The following STARD13 variants were observed in gnomAD, a reference collection of about 807,000 sequenced individuals.
STARD13 encodes the protein StAR related lipid transfer domain containing 13, also known as stAR-related lipid transfer protein 13.
Under a neutral mutation model 106.4 loss-of-function variants are expected in STARD13, and 62 were observed. The observed-to-expected ratio is 0.58, with a 90% CI of 0.48 to 0.72. The LOEUF is 0.72. Among genes scored for constraint, STARD13 ranks in the 30% least tolerant of loss-of-function variants. STARD13 has a pLI of 0.00. For synonymous variants in STARD13, 565 were observed against 553.0 expected (o/e 1.02, Z -0.31); for missense variants, 1,387 against 1,424.0 (o/e 0.97, Z 0.42).
the STARD13 span, among the ~76,000 whole-genome samples, chr13:33,616,208 G>A: frequency 6.7e-6 from 1 of 150,234 alleles, no homozygotes; most frequent in South Asian, 2.2e-4. Context: ...GAGGGAAAAG[G>A]AGAGGAGAGG....
At chr13:33,286,670 G>A (rs1443450400), upstream of STARD13, among the ~76,000 whole-genome samples, 3 of 152,144 alleles carry the variant, frequency 2.0e-5, no homozygotes, top group Non-Finnish European at 4.4e-5. Context: ...GGTGATGATT[G>A]CAAGCCAGAT....
chr13:33,340,815 T>C (rs2077951575), intron 1 of STARD13, among the ~76,000 whole-genome samples: 1 of 152,222 alleles, frequency 6.6e-6, no homozygotes, highest in Non-Finnish European at 1.5e-5. Context: ...TCTTGTGCAA[T>C]TTCTGGAAGC....
intron 1 of STARD13, among the ~76,000 whole-genome samples, chr13:33,214,193 G>A (rs1229661947): frequency 6.6e-6 from 1 of 152,214 alleles, no homozygotes; most frequent in Non-Finnish European, 1.5e-5. Flanking sequence ...AAAGTGTAAT[G>A]AGCATCATCT....
At chr13:33,219,099 G>A (rs1669654966) in intron 1 of STARD13, among the ~76,000 whole-genome samples, 1 of 152,106 alleles carries the variant, frequency 6.6e-6, no homozygotes, top group African/African-American at 2.4e-5. Flanking sequence ...TACTATGTAA[G>A]ATGCTAAGGG....
chr13:33,466,638 T>A, the STARD13 span, among the ~76,000 whole-genome samples: 1 of 152,244 alleles, frequency 6.6e-6, no homozygotes, highest in Non-Finnish European at 1.5e-5. Flanking sequence ...TTTCATTGTA[T>A]CTTACTGAAC....
At chr13:33,660,302 C>A in the STARD13 span, among the ~76,000 whole-genome samples, 2 of 152,174 alleles carry the variant, frequency 1.3e-5, no homozygotes, top group South Asian at 2.1e-4. Flanking sequence ...TAGTTTTTCA[C>A]TATTTAAAAA....
the STARD13 span, among the ~76,000 whole-genome samples, chr13:33,481,839 C>T: frequency 1.6e-5 from 2 of 128,910 alleles, no homozygotes; most frequent in East Asian, 2.2e-4. Context: ...ATTAGCCGGG[C>T]GTGGTGGTGG....
intron 1 of STARD13, among the ~76,000 whole-genome samples, chr13:33,175,524 T>C (rs117641887): frequency 3.0e-4 from 45 of 152,342 alleles, no homozygotes; most frequent in Non-Finnish European, 5.0e-4. Flanking sequence ...CTAATTCAGT[T>C]TCTCCAGCTT....
intron 8 of STARD13, chr13:33,113,614 G>A (rs879327688): frequency 2.8e-5 from 14 of 502,880 alleles, no homozygotes; most frequent in African/African-American, 9.7e-5. Context: ...GAGACCCAGC[G>A]TCACCTGTTC....
chr13:33,614,976 C>T, the STARD13 span, among the ~76,000 whole-genome samples: 23 of 152,054 alleles, frequency 1.5e-4, no homozygotes, highest in African/African-American at 4.1e-4. Flanking sequence ...GTAGGGCTCA[C>T]CCAAGCTGCC....
intron 4 of STARD13, among the ~76,000 whole-genome samples, chr13:33,135,305 T>C (rs1316999238): frequency 6.6e-6 from 1 of 152,240 alleles, no homozygotes; most frequent in Non-Finnish European, 1.5e-5. Context: ...TGTCACCATT[T>C]GAAAAGTCTG....
the STARD13 span, among the ~76,000 whole-genome samples, chr13:33,365,096 C>G: frequency 3.3e-5 from 5 of 151,636 alleles, no homozygotes; most frequent in Non-Finnish European, 4.4e-5. Context: ...ACCTTCCACA[C>G]ATGTGAGATG....
the STARD13 span, among the ~76,000 whole-genome samples, chr13:33,635,300 A>G: frequency 6.6e-6 from 1 of 152,126 alleles, no homozygotes; most frequent in African/African-American, 2.4e-5. Context: ...TATATCCTTG[A>G]TTTAGTTTCC....
the STARD13 span, among the ~76,000 whole-genome samples, chr13:33,531,525 T>C: frequency 7.9e-5 from 12 of 152,186 alleles, no homozygotes; most frequent in Admixed American, 3.3e-4. Context: ...GTTTGTCTTG[T>C]ACATTTCCTT....
Position 33,111,818 on chromosome 13 carries a change from C to T in STARD13, c.2567G>A (p.Gly856Glu). The T allele has an allele frequency of 6.8e-6, 11 of 1,614,146 alleles. No individual in the cohort carries two copies. The highest frequency in any genetic ancestry group is 8.5e-6 in the Non-Finnish European group (10 of 1,180,018). The change falls in exon 10 of 14, where the codon GGG (glycine) becomes GAG (glutamate). Residue 856 changes from glycine (G) to glutamate (E), a missense_variant. By Grantham distance (98) the Gly-to-Glu change is moderately conservative. Coordinates refer to ENST00000336934, the MANE Select transcript of STARD13 (RefSeq NM_178006.4). ...DLNENLAAAQ[G>E]LAHMIMECDR... ...GCATTCCATGATCATGTGCGCTAGC[C>T]CCTGAGCTGCTGCCAGATTCTCGTT...
At chr13:33,340,997 A>G (rs1211650508) in intron 1 of STARD13, among the ~76,000 whole-genome samples, 1 of 152,246 alleles carries the variant, frequency 6.6e-6, no homozygotes, top group African/African-American at 2.4e-5. Context: ...TGGACTAACT[A>G]CAAACGTGAC....
intron 3 of STARD13, among the ~76,000 whole-genome samples, chr13:33,160,901 G>A (rs968372288): frequency 5.9e-5 from 9 of 152,122 alleles, no homozygotes; most frequent in Non-Finnish European, 1.2e-4. Flanking sequence ...TAGAGCCCAC[G>A]ATCCCATTCC....
chr13:33,546,676 C>T, the STARD13 span, among the ~76,000 whole-genome samples: 1 of 151,370 alleles, frequency 6.6e-6, no homozygotes, highest in Non-Finnish European at 1.5e-5. Flanking sequence ...GACAGTCTCA[C>T]TCTGTCGCCC....
chr13:33,630,776 G>A, the STARD13 span, among the ~76,000 whole-genome samples: 1 of 152,136 alleles, frequency 6.6e-6, no homozygotes, highest in Non-Finnish European at 1.5e-5. Context: ...TTGGTACTGA[G>A]AGCCCATGAG....
Sources: allele counts gnomAD v4.1 joint callset (sites outside exome capture counted in the v4.1 genomes callset), GRCh38; gene constraint gnomAD v4.1.1; transcripts MANE v1.5; gene names NCBI Gene and HGNC (gene_info 2026-07-23, HGNC 2026-07-21).